The following HSD17B4 variants were observed in gnomAD, a reference collection of about 807,000 sequenced individuals.
The protein encoded by HSD17B4 is hydroxysteroid 17-beta dehydrogenase 4.
In HSD17B4, 70 loss-of-function variants were observed where a neutral mutation model predicts 101.0. The ratio of observed to expected loss-of-function variants is 0.69; its 90% CI spans 0.57 to 0.85. The LOEUF is 0.85. Among genes scored for constraint, HSD17B4 ranks in the 40% least tolerant of loss-of-function variants. The pLI is 0.00. For synonymous variants in HSD17B4, 347 were observed against 297.1 expected, an observed-to-expected ratio of 1.17 and a Z score of -1.73; for missense variants, 984 against 892.4, an observed-to-expected ratio of 1.10 and a Z score of -1.31.
At chr5:119,455,821 G>A (rs1365525629) in intron 1 of HSD17B4, among the ~76,000 whole-genome samples, 1 of 152,078 alleles carries the variant, frequency 6.6e-6, no homozygotes, top group East Asian at 1.9e-4. Context: ...GGCTGTCATT[G>A]GAGCTGTGCC....
chr5:119,494,381 CTT>C (rs1438942501), intron 11 of HSD17B4, among the ~76,000 whole-genome samples: 2 of 139,054 alleles, frequency 1.4e-5, no homozygotes, highest in African/African-American at 5.4e-5. Flanking sequence ...TTCTTTCTTT[CTT>C]TCTTTCTCAA....
intron 23 of HSD17B4, 91 bp downstream of exon 23, chr5:119,536,641 A>G (rs1754566610): frequency 1.3e-5 from 16 of 1,210,486 alleles, no homozygotes; most frequent in Non-Finnish European, 1.9e-5. Flanking sequence ...ATTCTGATTT[A>G]TAAGCCAGGT....
In HSD17B4 at chr5:119,531,310, C is replaced by T. The variant is rs755166558; in HGVS notation, c.1899C>T (p.Arg633=). The change falls in exon 22 of 24, where the codon CGC becomes CGT. Residue 633 remains arginine (R), a synonymous_variant. Coordinates refer to ENST00000510025, the MANE Select transcript of HSD17B4 (RefSeq NM_000414.4). ...CCTTTGTATTTGAGGAAATAGGACG[C>T]CGCCTAAAGGATATTGGGCCTGAGG... The part of the protein sequence containing the change: ...QSTFVFEEIG[R]RLKDIGPEVV... 20 of 1,613,226 alleles carry T rather than the reference C, an allele frequency of 1.2e-5. No individual in the cohort carries two copies. The highest frequency in any genetic ancestry group is 1.7e-5 in the Non-Finnish European group (20 of 1,179,392).
intron 2 of HSD17B4, chr5:119,464,769 A>AT (rs1439712259): frequency 1.3e-5 from 2 of 151,386 alleles, no homozygotes; most frequent in African/African-American, 4.9e-5. Context: ...ATTTTTATAT[A>AT]TTTTTTAATA....
chr5:119,518,303 G>A (rs1035314546), intron 17 of HSD17B4, among the ~76,000 whole-genome samples: 68 of 151,928 alleles, frequency 4.5e-4, no homozygotes, highest in African/African-American at 1.6e-3. Flanking sequence ...TCACTCCTGA[G>A]CCAGCGAGAC....
intron 16 of HSD17B4, among the ~76,000 whole-genome samples, chr5:119,511,401 C>T (rs955350634): frequency 2.6e-5 from 4 of 152,084 alleles, no homozygotes; most frequent in African/African-American, 9.7e-5. Flanking sequence ...AAGAAAAGCC[C>T]TCCTGGGATT....
chr5:119,537,224 GA>G (rs549853978), intron 23 of HSD17B4, among the ~76,000 whole-genome samples: 2 of 152,204 alleles, frequency 1.3e-5, no homozygotes, highest in South Asian at 4.1e-4. Flanking sequence ...AATAAATGAG[GA>G]AATATATGAT....
At chr5:119,471,915 T>G (rs1490267649) in intron 2 of HSD17B4, among the ~76,000 whole-genome samples, 2 of 152,208 alleles carry the variant, frequency 1.3e-5, no homozygotes, top group African/African-American at 4.8e-5. Flanking sequence ...TTCAATAGAT[T>G]ATAAACTCTT....
At chr5:119,526,284 A>ATATATATATG (rs1554068331) in intron 19 of HSD17B4, among the ~76,000 whole-genome samples, 10 of 148,276 alleles carry the variant, frequency 6.7e-5, no homozygotes, top group East Asian at 3.9e-4. Context: ...TGCATATATT[A>ATATATATATG]TATATATATA....
intron 10 of HSD17B4, 83 bp from the exon 11 acceptor site, chr5:119,493,735 T>G (rs983995529): frequency 1.5e-6 from 2 of 1,297,904 alleles, no homozygotes; most frequent in African/African-American, 2.9e-5. Context: ...TCCTTTCTCT[T>G]TAAAAATGAA....
At chr5:119,522,574 G>T (rs1323284015) in intron 17 of HSD17B4, among the ~76,000 whole-genome samples, 1 of 152,116 alleles carries the variant, frequency 6.6e-6, no homozygotes, top group Non-Finnish European at 1.5e-5. Flanking sequence ...GTGGTTTGGG[G>T]TGGTTTCCAA....
chr5:119,493,783 T>C (rs1750336540), intron 10 of HSD17B4, 35 bp from the exon 11 acceptor site: 1 of 1,602,938 alleles, frequency 6.2e-7, no homozygotes. Context: ...CTCTCAACTA[T>C]GTGCTCAGTA....
At chr5:119,497,855 T>G (rs1315013470) in intron 12 of HSD17B4, among the ~76,000 whole-genome samples, 5 of 152,238 alleles carry the variant, frequency 3.3e-5, no homozygotes, top group Admixed American at 2.6e-4. Context: ...TCTAACTGTA[T>G]GACAAGTATC....
Position 119,477,581 on chromosome 5 carries a change from A to C in HSD17B4, c.434+80A>C, listed in dbSNP as rs35509376. ...TTGTGTACAGGGAAAGATTATGTGA[A>C]GTGTTGTGAAATGATTTATGACATT... On this transcript the variant is annotated intron_variant, in intron 7 of 23. Coordinates refer to ENST00000510025, the MANE Select transcript of HSD17B4 (RefSeq NM_000414.4). 334 of 942,482 alleles carry C rather than the reference A, an allele frequency of 3.5e-4. 2 individuals are homozygous for C. The East Asian group carries it at 7.1e-3, about 20-fold the overall frequency. 58.4% of individuals were successfully genotyped at this position (942,482 alleles called of 1,614,324 possible). A position where few individuals can be genotyped will look rare whatever the true frequency, so the allele number is the denominator to read the frequency against.
chr5:119,519,741 A>C (rs1164416303), intron 17 of HSD17B4, among the ~76,000 whole-genome samples: 1 of 152,252 alleles, frequency 6.6e-6, no homozygotes, highest in Non-Finnish European at 1.5e-5. Flanking sequence ...ACTCATGTAA[A>C]GTCATTAAGA....
intron 17 of HSD17B4, among the ~76,000 whole-genome samples, chr5:119,515,867 A>G (rs111898480): frequency 3.3e-5 from 5 of 152,112 alleles, no homozygotes; most frequent in African/African-American, 1.2e-4. Flanking sequence ...ACTGGAGGGT[A>G]GAGGATAGGA....
At chr5:119,538,200 C>G (rs1754689949) in intron 23 of HSD17B4, among the ~76,000 whole-genome samples, 1 of 152,086 alleles carries the variant, frequency 6.6e-6, no homozygotes, top group Admixed American at 6.6e-5. Context: ...ATCTATTTAC[C>G]CAAATTAATA....
chr5:119,515,047 G>A lies in HSD17B4; in HGVS notation c.1503+1G>A. On this transcript the variant is annotated splice_donor_variant, in intron 17 of 23. Transcript: ENST00000510025. LOFTEE classifies it high-confidence loss of function. ...TACAGATACCACCTCTCTTAATCAG[G>A]TAAGATTGTATTTTTGAAAAATGAT... 1 of 1,553,330 alleles carries A rather than the reference G, an allele frequency of 6.4e-7. No homozygotes were observed. The highest frequency in any genetic ancestry group is 8.9e-7 in the Non-Finnish European group (1 of 1,124,938).
intron 17 of HSD17B4, among the ~76,000 whole-genome samples, chr5:119,516,571 C>T (rs778733276): frequency 6.6e-6 from 1 of 152,024 alleles, no homozygotes; most frequent in Non-Finnish European, 1.5e-5. Context: ...GGGCACTCAT[C>T]ATTTGGCAGA....
Sources: gnomAD v4.1 joint callset for allele counts (sites outside exome capture counted in the v4.1 genomes callset) on GRCh38, gnomAD v4.1.1 for gene constraint, MANE v1.5 for transcripts, NCBI Gene and HGNC (gene_info 2026-07-23, HGNC 2026-07-21) for gene names.